POLR3B: variants seen among roughly 807,000 people sequenced by gnomAD.
POLR3B encodes RNA polymerase III subunit B.
Under a neutral mutation model 147.4 loss-of-function variants are expected in POLR3B, and 96 were observed. That is an observed-to-expected ratio of 0.65 (90% CI 0.55 to 0.77). The LOEUF is 0.77. Among genes scored for constraint, POLR3B ranks in the 30% least tolerant of loss-of-function variants. The pLI is 0.00. For synonymous variants in POLR3B, 461 were observed against 485.9 expected (o/e 0.95, Z 0.67); for missense variants, 1,036 against 1,413.5 (o/e 0.73, Z 4.28).
chr12:106,427,917 G>C (rs1409959118), intron 13 of POLR3B, among the ~76,000 whole-genome samples: 1 of 152,176 alleles, frequency 6.6e-6, no homozygotes. Flanking sequence ...AGGTCTATCT[G>C]ATGAAGTCTG....
At chr12:106,455,848 G>A (rs572509081) in intron 20 of POLR3B, among the ~76,000 whole-genome samples, 1 of 152,056 alleles carries the variant, frequency 6.6e-6, no homozygotes, top group African/African-American at 2.4e-5. Context: ...TTCATCTGAC[G>A]TCCAATTTTA....
At chr12:106,474,572 C>T (rs1412596174) in intron 23 of POLR3B, among the ~76,000 whole-genome samples, 27 of 146,476 alleles carry the variant, frequency 1.8e-4, no homozygotes, top group African/African-American at 6.6e-4. Flanking sequence ...AGAGATTCAA[C>T]TTCTTCCTGG....
At chr12:106,376,004 C>A (rs1425566199) in intron 6 of POLR3B, among the ~76,000 whole-genome samples, 2 of 152,136 alleles carry the variant, frequency 1.3e-5, no homozygotes, top group Non-Finnish European at 2.9e-5. Flanking sequence ...ACCACCACAC[C>A]CAGTTAATTT....
rs371496625 is a variant in POLR3B, at chr12:106,427,355, T to C, written c.1260T>C (p.Ser420=). ...CCAATGGCATGGTGAATGCTATTTC[T>C]ACCGTAAGTCTTCAGTCACTCTTTT... ...QITNGMVNAI[S]TGNWSLKRFK... is the part of the protein sequence containing the mutation. The change falls in exon 13 of 28, where the codon TCT becomes TCC. Residue 420 remains serine (S), a synonymous_variant. Coordinates refer to ENST00000228347, the MANE Select transcript of POLR3B (RefSeq NM_018082.6). 3.7e-6 allele frequency: 6 copies of C among 1,612,980 alleles called. No homozygotes were observed. The highest frequency in any genetic ancestry group is 5.1e-6 in the Non-Finnish European group (6 of 1,179,162).
chr12:106,455,829 A>G (rs922020698), intron 20 of POLR3B, among the ~76,000 whole-genome samples: 6 of 152,188 alleles, frequency 3.9e-5, no homozygotes, highest in Non-Finnish European at 7.4e-5. Flanking sequence ...GCTTAAAGAC[A>G]CAAATGTCTT....
At chr12:106,438,992 C>A (rs1371116267) in intron 18 of POLR3B, among the ~76,000 whole-genome samples, 2 of 152,146 alleles carry the variant, frequency 1.3e-5, no homozygotes, top group Admixed American at 1.3e-4. Context: ...ACTGATGTAC[C>A]ACTTACCTGA....
intron 17 of POLR3B, 70 bp from the exon 18 acceptor site, chr12:106,437,602 GCCAGTATCT>G (rs1684769779): frequency 2.5e-6 from 2 of 787,322 alleles, no homozygotes; most frequent in South Asian, 2.9e-5. Context: ...CTAAACGAAA[GCCAGTATCT>G]CCTGTTATTA....
chr12:106,445,329 CA>C (rs1356204504), intron 19 of POLR3B, among the ~76,000 whole-genome samples: 1 of 152,040 alleles, frequency 6.6e-6, no homozygotes, highest in Non-Finnish European at 1.5e-5. Flanking sequence ...AATTGACAAC[CA>C]AAATCTAAGA....
chr12:106,491,708 T>C (rs2038409855), intron 23 of POLR3B, among the ~76,000 whole-genome samples: 1 of 152,204 alleles, frequency 6.6e-6, no homozygotes, highest in South Asian at 2.1e-4. Flanking sequence ...TGTATAAATG[T>C]ATGCAATATA....
chr12:106,403,984 G>T lies in POLR3B; in HGVS notation c.847-1873G>T, dbSNP rs182336943. 4.0e-3 allele frequency among the ~76,000 whole-genome samples: 600 copies of T among 151,664 alleles called. 5 individuals carry two copies. The highest frequency in any genetic ancestry group is 0.014 in the African/African-American group (561 of 41,398). On this transcript the variant is annotated intron_variant, in intron 10 of 27. Transcript: ENST00000228347. Reference sequence around the variant, plus strand: ...AATAATAATAAAATTTTAAAAAAAAGAATTGTTGAATCAGAGAGCAGATAT... The same window carrying T: ...AATAATAATAAAATTTTAAAAAAAATAATTGTTGAATCAGAGAGCAGATAT...
intron 23 of POLR3B, among the ~76,000 whole-genome samples, chr12:106,469,356 A>T (rs578255898): frequency 1.3e-3 from 193 of 147,764 alleles, no homozygotes; most frequent in African/African-American, 4.6e-3. Context: ...TGCATGTGAG[A>T]TGGGTTTCCT....
At chr12:106,383,639 C>T (rs1369710791) in intron 9 of POLR3B, among the ~76,000 whole-genome samples, 2 of 152,018 alleles carry the variant, frequency 1.3e-5, no homozygotes, top group South Asian at 4.2e-4. Context: ...TCATCTCTTA[C>T]GAGCACGGTT....
intron 10 of POLR3B, among the ~76,000 whole-genome samples, chr12:106,393,903 G>A (rs1308880374): frequency 6.6e-6 from 1 of 152,048 alleles, no homozygotes; most frequent in African/African-American, 2.4e-5. Context: ...GCTTTCCTAA[G>A]TATAAATCAA....
chr12:106,501,233 A>C, intron 25 of POLR3B, 90 bp from the exon 26 acceptor site: 2 of 796,988 alleles, frequency 2.5e-6, no homozygotes, highest in South Asian at 1.4e-5. Flanking sequence ...GTCATAAATG[A>C]GTAAGGACCT....
chr12:106,508,402 G>A (rs531080501), intron 27 of POLR3B, among the ~76,000 whole-genome samples: 94 of 152,222 alleles, frequency 6.2e-4, no homozygotes, highest in Middle Eastern at 3.4e-3. Flanking sequence ...GTCAGCACCC[G>A]ATCTTCCAAG....
At chr12:106,404,104 T>TTA in intron 10 of POLR3B, among the ~76,000 whole-genome samples, 1 of 151,530 alleles carries the variant, frequency 6.6e-6, no homozygotes, top group Non-Finnish European at 1.5e-5. Context: ...TTTTTTTTTT[T>TTA]TTTTGAGACA....
At chr12:106,432,879 C>T (rs2037528290) in intron 15 of POLR3B, among the ~76,000 whole-genome samples, 1 of 152,194 alleles carries the variant, frequency 6.6e-6, no homozygotes, top group African/African-American at 2.4e-5. Flanking sequence ...AATATGTCAG[C>T]AGCCTGTGAT....
chr12:106,358,146 C>T (rs562636662), intron 1 of POLR3B, 195 bp downstream of exon 1: 41 of 1,455,304 alleles, frequency 2.8e-5, no homozygotes, highest in East Asian at 2.7e-4. Flanking sequence ...GAAGGCTGAT[C>T]CCAGAGGAGC....
chr12:106,433,600 AAT>A lies in POLR3B; in HGVS notation c.1628-117_1628-116del, dbSNP rs1403532948. On this transcript the variant is annotated intron_variant, in intron 15 of 27. Coordinates refer to ENST00000228347, the MANE Select transcript of POLR3B (RefSeq NM_018082.6). ...ACCTTGTGGACTGGCTGCAGGTGTT[AAT>A]AATGGTATTTTCAAATAACTGCTTA... The A allele has an allele frequency of 3.9e-6, 3 of 765,316 alleles. No homozygotes were observed. In the East Asian group the frequency reaches 8.0e-5, roughly 20 times the overall value. 47.4% of individuals were successfully genotyped at this position (765,316 alleles called of 1,614,324 possible).
Sources: gnomAD v4.1 joint callset for allele counts (sites outside exome capture counted in the v4.1 genomes callset) on GRCh38, gnomAD v4.1.1 for gene constraint, MANE v1.5 for transcripts, NCBI Gene and HGNC (gene_info 2026-07-23, HGNC 2026-07-21) for gene names.